The following OR2L13 variants were observed in gnomAD, a reference collection of about 807,000 sequenced individuals.
OR2L13 encodes olfactory receptor family 2 subfamily L member 13, also known as olfactory receptor 2L13.
Under a neutral mutation model 15.3 loss-of-function variants are expected in OR2L13, and 14 were observed. The ratio of observed to expected loss-of-function variants is 0.91; its 90% CI spans 0.60 to 1.43. The LOEUF is 1.43. Ranked by LOEUF, OR2L13 falls within the 40% of genes most tolerant of loss-of-function variation. The probability of loss-of-function intolerance (pLI) is 0.00; values close to 1 mark genes in which losing one functional copy is unlikely to be tolerated. For synonymous variants in OR2L13, 152 were observed against 142.9 expected (o/e 1.06, Z -0.45); for missense variants, 367 against 387.9 (o/e 0.95, Z 0.45).
the OR2L13 span, among the ~76,000 whole-genome samples, chr1:247,967,737 G>C: frequency 6.6e-6 from 1 of 151,608 alleles, no homozygotes; most frequent in South Asian, 2.1e-4. Context: ...ATTTAAATAT[G>C]AATCTCAAAC....
chr1:248,037,919 C>T, the OR2L13 span, among the ~76,000 whole-genome samples: 1 of 152,136 alleles, frequency 6.6e-6, no homozygotes, highest in Non-Finnish European at 1.5e-5. Context: ...ATTTTGATTT[C>T]CCATGAAGCA....
chr1:248,003,464 C>G, the OR2L13 span: 2 of 1,609,042 alleles, frequency 1.2e-6, no homozygotes, highest in African/African-American at 2.7e-5. Flanking sequence ...TGTAGAAGCG[C>G]TACTCCTGAT....
the OR2L13 span, among the ~76,000 whole-genome samples, chr1:247,953,849 T>C: frequency 2.6e-5 from 4 of 152,110 alleles, no homozygotes; most frequent in African/African-American, 9.7e-5. Flanking sequence ...ACTACCAGAA[T>C]TAACTCTTAT....
At chr1:247,973,226 A>C in the OR2L13 span, among the ~76,000 whole-genome samples, 1 of 152,068 alleles carries the variant, frequency 6.6e-6, no homozygotes, top group South Asian at 2.1e-4. Context: ...CAAGACAAAA[A>C]ATGCCCTCTC....
the OR2L13 span, among the ~76,000 whole-genome samples, chr1:248,002,472 A>T: frequency 6.6e-6 from 1 of 152,158 alleles, no homozygotes; most frequent in East Asian, 1.9e-4. Flanking sequence ...TTCATGCAAT[A>T]TTTGTCTTTC....
the OR2L13 span, among the ~76,000 whole-genome samples, chr1:248,068,583 C>A: frequency 6.6e-6 from 1 of 152,190 alleles, no homozygotes; most frequent in Non-Finnish European, 1.5e-5. Context: ...TCTCCTCCTC[C>A]AAAGGAACAC....
At chr1:248,080,862 C>T in the OR2L13 span, among the ~76,000 whole-genome samples, 961 of 152,288 alleles carry the variant, frequency 6.3e-3, 7 homozygotes, top group Admixed American at 0.016. Context: ...TGTCTTCACA[C>T]TGGTTGAACT....
the OR2L13 span, among the ~76,000 whole-genome samples, chr1:248,076,682 A>T: frequency 6.6e-6 from 1 of 152,268 alleles, no homozygotes; most frequent in Admixed American, 6.5e-5. Context: ...TGATTTTTGC[A>T]CATTGATTTT....
At chr1:248,027,557 C>A in the OR2L13 span, among the ~76,000 whole-genome samples, 5 of 152,100 alleles carry the variant, frequency 3.3e-5, no homozygotes, top group Non-Finnish European at 5.9e-5. Context: ...CCCCGGACAC[C>A]CAGCTTTAAA....
At chr1:247,951,784 T>C in the OR2L13 span, among the ~76,000 whole-genome samples, 2 of 152,124 alleles carry the variant, frequency 1.3e-5, no homozygotes, top group Admixed American at 6.5e-5. Flanking sequence ...AGAGGGAAAA[T>C]AGGCATCCCA....
the OR2L13 span, among the ~76,000 whole-genome samples, chr1:247,945,048 G>C: frequency 2.6e-5 from 4 of 151,580 alleles, no homozygotes; most frequent in Non-Finnish European, 4.4e-5. Context: ...CCTTTTGCTA[G>C]CTCTGGGGTT....
the OR2L13 span, chr1:248,022,858 T>C: frequency 1.2e-6 from 2 of 1,610,768 alleles, no homozygotes; most frequent in East Asian, 2.2e-5. Flanking sequence ...ACACGAGTGA[T>C]TCAGAATATC....
the OR2L13 span, among the ~76,000 whole-genome samples, chr1:248,072,876 T>C: frequency 6.6e-6 from 1 of 151,506 alleles, no homozygotes; most frequent in African/African-American, 2.4e-5. Context: ...CATGAAAAAA[T>C]GCTCACCATC....
chr1:248,072,499 C>T, the OR2L13 span, among the ~76,000 whole-genome samples: 470 of 152,076 alleles, frequency 3.1e-3, 4 homozygotes, highest in African/African-American at 0.011. Context: ...AAGACTTAAA[C>T]GTTAGACCTA....
the OR2L13 span, chr1:248,038,033 A>C: frequency 2.6e-6 from 1 of 391,276 alleles, no homozygotes; most frequent in Non-Finnish European, 4.5e-6. Context: ...ATATAGTTGT[A>C]ATTGTTCTAT....
the OR2L13 span, chr1:248,061,034 C>G: frequency 6.2e-7 from 1 of 1,614,094 alleles, no homozygotes; most frequent in Middle Eastern, 1.6e-4. Flanking sequence ...GCATCTATGG[C>G]CTATGATCGT....
At chr1:248,003,496 C>T in the OR2L13 span, 1 of 1,611,352 alleles carries the variant, frequency 6.2e-7, no homozygotes, top group Non-Finnish European at 8.5e-7. Context: ...ATGTTCGTTG[C>T]ATTGCTATTT....
the OR2L13 span, chr1:248,038,172 T>C: frequency 1.2e-6 from 1 of 848,140 alleles, no homozygotes. Context: ...AGGCATCCAC[T>C]GGGAGTCTTG....
the OR2L13 span, chr1:248,062,261 C>A: frequency 6.6e-6 from 1 of 152,184 alleles, no homozygotes; most frequent in Non-Finnish European, 1.5e-5. Context: ...TTTAGATCAA[C>A]AAAAGGACTG....
Sources: allele counts gnomAD v4.1 joint callset (sites outside exome capture counted in the v4.1 genomes callset), GRCh38; gene constraint gnomAD v4.1.1; transcripts MANE v1.5; gene names NCBI Gene and HGNC (gene_info 2026-07-23, HGNC 2026-07-21).